PRKD1: variants seen among roughly 807,000 people sequenced by gnomAD.
PRKD1 encodes protein kinase D1, also known as serine/threonine-protein kinase D1.
In PRKD1, 63 loss-of-function variants were observed where a neutral mutation model predicts 95.9. That is an observed-to-expected ratio of 0.66 (90% CI 0.54 to 0.81). The LOEUF (loss-of-function observed/expected upper bound fraction) is 0.81, where lower values mean the gene tolerates loss of function less well. PRKD1 is among the 30% of genes least tolerant of loss of function. The probability of loss-of-function intolerance (pLI) is 0.00; values close to 1 mark genes in which losing one functional copy is unlikely to be tolerated. For missense variants in PRKD1, 1,048 were observed against 1,165.3 expected (o/e 0.90, Z 1.47); for synonymous variants, 425 against 423.1 (o/e 1.00, Z -0.05).
At chr14:29,926,842 TGG>T (rs1895315286) in intron 1 of PRKD1, among the ~76,000 whole-genome samples, 1 of 151,978 alleles carries the variant, frequency 6.6e-6, no homozygotes, top group Admixed American at 6.6e-5. Flanking sequence ...GGGGGCACTC[TGG>T]TGCAGGAAGG....
intron 16 of PRKD1, among the ~76,000 whole-genome samples, chr14:29,581,796 G>C (rs1027165782): frequency 6.6e-6 from 1 of 152,088 alleles, no homozygotes; most frequent in Non-Finnish European, 1.5e-5. Flanking sequence ...CTAGCTTTCT[G>C]TCATGCTCAC....
chr14:29,646,294 A>G (rs1053884019), intron 4 of PRKD1, among the ~76,000 whole-genome samples: 5 of 152,128 alleles, frequency 3.3e-5, no homozygotes, highest in African/African-American at 1.2e-4. Flanking sequence ...AAAAAATAGC[A>G]CAGTGAATAA....
chr14:29,610,999 A>G (rs1291942930), intron 13 of PRKD1, among the ~76,000 whole-genome samples: 2 of 152,246 alleles, frequency 1.3e-5, no homozygotes, highest in African/African-American at 2.4e-5. Context: ...GCTGACAGGG[A>G]TAGTTGAACA....
intron 7 of PRKD1, 99 bp downstream of exon 7, chr14:29,636,191 C>T: frequency 7.1e-7 from 1 of 1,414,656 alleles, no homozygotes; most frequent in Non-Finnish European, 9.9e-7. Flanking sequence ...ACGTGCACTT[C>T]ACATTTCTAC....
At chr14:29,665,740 T>C (rs1225319199) in intron 3 of PRKD1, among the ~76,000 whole-genome samples, 1 of 152,048 alleles carries the variant, frequency 6.6e-6, no homozygotes, top group Non-Finnish European at 1.5e-5. Flanking sequence ...TTTGTATATA[T>C]GTGTGTATAT....
chr14:29,774,124 G>A (rs10136250), intron 1 of PRKD1, among the ~76,000 whole-genome samples: 308 of 152,208 alleles, frequency 2.0e-3, no homozygotes, highest in Middle Eastern at 0.01. Context: ...AGAATCAACC[G>A]CAAAAACAAA....
At chr14:29,617,439 AC>A (rs1345548693) in intron 13 of PRKD1, among the ~76,000 whole-genome samples, 1 of 152,214 alleles carries the variant, frequency 6.6e-6, no homozygotes, top group Non-Finnish European at 1.5e-5. Context: ...TGAGATAAAT[AC>A]AGGAGAATAA....
intron 1 of PRKD1, among the ~76,000 whole-genome samples, chr14:29,902,995 T>C (rs1297606889): frequency 6.6e-6 from 1 of 152,234 alleles, no homozygotes; most frequent in African/African-American, 2.4e-5. Flanking sequence ...CACGTTATAA[T>C]GCCCTATATT....
intron 1 of PRKD1, among the ~76,000 whole-genome samples, chr14:29,886,645 T>C (rs1236497730): frequency 1.3e-5 from 2 of 152,206 alleles, no homozygotes; most frequent in Non-Finnish European, 2.9e-5. Context: ...TCTATCACCA[T>C]CTGCTGATAT....
At position 29,833,979 on chromosome 14, in the gene PRKD1, AC is replaced by A. The variant is rs1410426275; in HGVS notation, c.264+93269del. On this transcript the variant is annotated intron_variant, in intron 1 of 17. Transcript: ENST00000331968. ...AATACAGAGAAAAGGAACACAGCTC[AC>A]TTCCTAAAGAACATGTCCTTCTCAA... Among the ~76,000 whole-genome samples the A allele has an allele frequency of 4.6e-5, 7 of 152,222 alleles. No individual in the cohort carries two copies. The East Asian group carries it at 1.2e-3, about 25-fold the overall frequency.
intron 1 of PRKD1, among the ~76,000 whole-genome samples, chr14:29,727,359 G>A (rs906247292): frequency 5.3e-5 from 8 of 151,760 alleles, no homozygotes; most frequent in Admixed American, 4.6e-4. Flanking sequence ...TGTTCACTCT[G>A]ATGGTAGTTT....
chr14:29,888,642 G>C (rs754637221), intron 1 of PRKD1, among the ~76,000 whole-genome samples: 1 of 152,126 alleles, frequency 6.6e-6, no homozygotes, highest in African/African-American at 2.4e-5. Context: ...GTTGACATAG[G>C]AGAATACTGG....
chr14:29,606,800 G>GA (rs1420809100), intron 13 of PRKD1, among the ~76,000 whole-genome samples: 1 of 152,142 alleles, frequency 6.6e-6, no homozygotes, highest in East Asian at 1.9e-4. Flanking sequence ...TTCTTACTTA[G>GA]AAAAGGTCTT....
At chr14:29,768,146 T>C (rs546245581) in intron 1 of PRKD1, among the ~76,000 whole-genome samples, 16 of 152,276 alleles carry the variant, frequency 1.1e-4, no homozygotes, top group African/African-American at 3.8e-4. Flanking sequence ...ATTGACCCAT[T>C]AACAGTCACT....
At chr14:29,624,298 TATC>T in intron 12 of PRKD1, 40 bp from the exon 13 acceptor site, 4 of 1,429,056 alleles carry the variant, frequency 2.8e-6, no homozygotes. Flanking sequence ...AGTTATTAAA[TATC>T]ATCTATCTTA....
At chr14:29,735,386 G>T (rs1886663640) in intron 1 of PRKD1, among the ~76,000 whole-genome samples, 1 of 152,172 alleles carries the variant, frequency 6.6e-6, no homozygotes, top group Non-Finnish European at 1.5e-5. Context: ...TTATTAAAAT[G>T]CAGGACTGTA....
chr14:29,870,218 G>A (rs1284324037), intron 1 of PRKD1, among the ~76,000 whole-genome samples: 1 of 152,160 alleles, frequency 6.6e-6, no homozygotes. Context: ...ATTCATGGAT[G>A]CCAAAATCAG....
At chr14:29,852,602 C>T (rs2139341262) in intron 1 of PRKD1, among the ~76,000 whole-genome samples, 1 of 151,546 alleles carries the variant, frequency 6.6e-6, no homozygotes, top group African/African-American at 2.4e-5. Flanking sequence ...TGAAAACTTC[C>T]CAAATTTGAT....
chr14:29,606,480 G>A (rs1315939217), intron 13 of PRKD1, among the ~76,000 whole-genome samples: 3 of 152,066 alleles, frequency 2.0e-5, no homozygotes, highest in African/African-American at 7.2e-5. Context: ...CAGTGTTTTT[G>A]TAAAGATTTC....
Sources: gnomAD v4.1 joint callset for allele counts (sites outside exome capture counted in the v4.1 genomes callset) on GRCh38, gnomAD v4.1.1 for gene constraint, MANE v1.5 for transcripts, NCBI Gene and HGNC (gene_info 2026-07-23, HGNC 2026-07-21) for gene names.